Variants in TAFA2 observed in about 807,000 individuals in gnomAD.
TAFA2 encodes chemokine-like protein TAFA-2.
A neutral mutation model predicts 18.8 loss-of-function variants in TAFA2; 7 were observed. The observed-to-expected ratio is 0.37, with a 90% CI of 0.21 to 0.70. TAFA2 has a LOEUF of 0.70. Among genes scored for constraint, TAFA2 ranks in the 30% least tolerant of loss-of-function variants. The pLI is 0.53. For synonymous variants in TAFA2, 60 were observed against 54.2 expected, an observed-to-expected ratio of 1.11 and a Z score of -0.47; for missense variants, 122 against 158.1, an observed-to-expected ratio of 0.77 and a Z score of 1.23.
At chr12:62,045,386 T>C (rs550106902) in intron 1 of TAFA2, among the ~76,000 whole-genome samples, 2 of 152,244 alleles carry the variant, frequency 1.3e-5, no homozygotes, top group South Asian at 4.1e-4. Context: ...AAATTTTTTT[T>C]AAGTTTCATG....
chr12:62,121,345 G>A (rs1181279463), intron 1 of TAFA2, among the ~76,000 whole-genome samples: 4 of 152,080 alleles, frequency 2.6e-5, no homozygotes, highest in Admixed American at 6.6e-5. Flanking sequence ...AAAAATTTGC[G>A]CTTGTAGTCA....
chr12:62,099,600 G>T (rs913018578), intron 1 of TAFA2, among the ~76,000 whole-genome samples: 1 of 152,134 alleles, frequency 6.6e-6, no homozygotes, highest in African/African-American at 2.4e-5. Context: ...TCCAGTCGGA[G>T]AAATAGCAAT....
Position 61,861,973 on chromosome 12 carries a change from C to T in TAFA2, c.106+5347G>A, listed in dbSNP as rs1245380936. Among the ~76,000 whole-genome samples the T allele has an allele frequency of 2.0e-5, 3 of 152,206 alleles. No individual in the cohort carries two copies. In the East Asian group the frequency reaches 5.8e-4, roughly 29 times the overall value. ...TAATCAAACTAACTTTTTTAGGCTCCTTTTTTTCGTGGGTATAACTCACCT... is the reference window on the plus strand; with the variant it reads ...TAATCAAACTAACTTTTTTAGGCTCTTTTTTTTCGTGGGTATAACTCACCT... On this transcript the variant is annotated intron_variant, in intron 2 of 4. Coordinates refer to ENST00000416284, the MANE Select transcript of TAFA2 (RefSeq NM_178539.5).
intron 1 of TAFA2, among the ~76,000 whole-genome samples, chr12:62,223,372 C>G (rs2062772356): frequency 6.6e-6 from 1 of 152,104 alleles, no homozygotes; most frequent in South Asian, 2.1e-4. Flanking sequence ...GAGATGAGGT[C>G]TCCGTATGTT....
intron 1 of TAFA2, among the ~76,000 whole-genome samples, chr12:62,231,402 G>A (rs534366438): frequency 3.9e-5 from 6 of 152,054 alleles, no homozygotes; most frequent in Admixed American, 3.9e-4. Context: ...ATAGCTACTT[G>A]TACTCTTTTT....
At chr12:61,900,168 T>A (rs1876035764) in intron 1 of TAFA2, among the ~76,000 whole-genome samples, 1 of 152,250 alleles carries the variant, frequency 6.6e-6, no homozygotes, top group African/African-American at 2.4e-5. Flanking sequence ...CTAGAAGTAT[T>A]CCTATACATA....
At chr12:61,922,147 A>T (rs1334327481) in intron 1 of TAFA2, among the ~76,000 whole-genome samples, 1 of 152,206 alleles carries the variant, frequency 6.6e-6, no homozygotes, top group East Asian at 1.9e-4. Flanking sequence ...GAGCAGTTGG[A>T]AGGAGCAGTC....
chr12:61,897,496 C>T lies in TAFA2; in HGVS notation c.-1-30070G>A, dbSNP rs1215620473. The stretch of plus-strand genomic sequence containing the variant: ...TGGGAAGCCTCAGGAAACTTACTAT[C>T]ATAGCAGAAGGGGAAGCAGGCATGT... On this transcript the variant is annotated intron_variant, in intron 1 of 4. Transcript: ENST00000416284. Among the ~76,000 whole-genome samples the T allele has an allele frequency of 2.0e-5, 3 of 152,136 alleles. No individual in the cohort carries two copies. The East Asian group carries it at 5.8e-4, about 29-fold the overall frequency.
intron 2 of TAFA2, among the ~76,000 whole-genome samples, chr12:61,834,850 GC>G (rs1872855211): frequency 6.6e-6 from 1 of 151,858 alleles, no homozygotes; most frequent in Non-Finnish European, 1.5e-5. Flanking sequence ...TGATAATATT[GC>G]ATAACTTATT....
At position 61,941,822 on chromosome 12, in the gene TAFA2, A is replaced by G. The variant is rs560827093; in HGVS notation, c.-1-74396T>C. Among the ~76,000 whole-genome samples, 9 of 152,282 alleles carry G rather than the reference A, an allele frequency of 5.9e-5. No individual in the cohort carries two copies. The South Asian group carries it at 1.9e-3, about 32-fold the overall frequency. On this transcript the variant is annotated intron_variant, in intron 1 of 4. Transcript: ENST00000416284. ...GTCCTATGCCCACGGAATCTCGCTG[A>G]TTGCTAGCACAGCAGTCTGAGATCA...
chr12:62,079,991 G>A (rs1479222498), intron 1 of TAFA2, among the ~76,000 whole-genome samples: 2 of 152,142 alleles, frequency 1.3e-5, no homozygotes, highest in Non-Finnish European at 1.5e-5. Context: ...GATCTTATAG[G>A]CTAAAATCAA....
intron 1 of TAFA2, among the ~76,000 whole-genome samples, chr12:61,982,876 C>CGAAAAAAAA (rs1879684566): frequency 9.8e-6 from 1 of 101,596 alleles, no homozygotes; most frequent in Admixed American, 1.1e-4. Context: ...AAGTGGAAGG[C>CGAAAAAAAA]AAAAAAAAAA....
rs867681844 is a variant in TAFA2, at chr12:61,888,053, T to A, written c.-1-20627A>T. Among the ~76,000 whole-genome samples, 3 of 151,896 alleles carry A rather than the reference T, an allele frequency of 2.0e-5. No homozygotes were observed. The South Asian group carries it at 6.3e-4, about 32-fold the overall frequency. On this transcript the variant is annotated intron_variant, in intron 1 of 4. Transcript: ENST00000416284. ...AGATACCATCTCACACCAGTTAGAA[T>A]GGCAATCATTAAAAAGTCAGGAAAC...
At position 61,732,697 on chromosome 12, in the gene TAFA2, T is replaced by C. The variant is rs531503439; in HGVS notation, c.384+20925A>G. Among the ~76,000 whole-genome samples the C allele has an allele frequency of 6.6e-5, 10 of 151,834 alleles. No homozygotes were observed. The East Asian group carries it at 1.9e-3, about 30-fold the overall frequency. ...TCAGATGGTGATGGTTTGCAATGTT[T>C]TGGGGAGAGACAAGGTGGAGTGAGC... On this transcript the variant is annotated intron_variant, in intron 4 of 4. Transcript: ENST00000416284.
intron 4 of TAFA2, among the ~76,000 whole-genome samples, chr12:61,723,738 G>C (rs914787517): frequency 1.3e-5 from 2 of 152,044 alleles, no homozygotes; most frequent in African/African-American, 4.8e-5. Context: ...ATTGGTATTA[G>C]ACTAATCACT....
At chr12:61,995,565 C>CTT (rs551556216) in intron 1 of TAFA2, among the ~76,000 whole-genome samples, 25 of 152,258 alleles carry the variant, frequency 1.6e-4, no homozygotes, top group African/African-American at 6.0e-4. Context: ...AATGTTGTGT[C>CTT]TTTCCATGGC....
At chr12:61,959,406 G>A (rs1347296421) in intron 1 of TAFA2, among the ~76,000 whole-genome samples, 2 of 151,962 alleles carry the variant, frequency 1.3e-5, no homozygotes, top group Non-Finnish European at 2.9e-5. Flanking sequence ...TTAGTTCTAA[G>A]AATTTTAGTT....
At chr12:61,860,268 T>C (rs1187082470) in intron 2 of TAFA2, among the ~76,000 whole-genome samples, 1 of 152,228 alleles carries the variant, frequency 6.6e-6, no homozygotes, top group Non-Finnish European at 1.5e-5. Context: ...TAAATATATA[T>C]TACTTTGAAA....
At chr12:62,235,737 T>A (rs1196901376) in intron 1 of TAFA2, among the ~76,000 whole-genome samples, 1 of 152,194 alleles carries the variant, frequency 6.6e-6, no homozygotes, top group African/African-American at 2.4e-5. Context: ...TTTAGGTTTT[T>A]GGAGGAAGGT....
Sources: gnomAD v4.1 joint callset for allele counts (sites outside exome capture counted in the v4.1 genomes callset) on GRCh38, gnomAD v4.1.1 for gene constraint, MANE v1.5 for transcripts, NCBI Gene and HGNC (gene_info 2026-07-23, HGNC 2026-07-21) for gene names.